Variants in SLCO1B1 observed in about 807,000 individuals in gnomAD.
SLCO1B1 encodes solute carrier organic anion transporter family member 1B1.
Under a neutral mutation model 70.1 loss-of-function variants are expected in SLCO1B1, and 81 were observed. The observed-to-expected ratio is 1.16, with a 90% CI of 0.97 to 1.39. The LOEUF is 1.39. Among genes scored for constraint, SLCO1B1 ranks in the 40% most tolerant of loss-of-function variants. SLCO1B1 has a pLI of 0.00. For missense variants in SLCO1B1, 895 were observed against 799.6 expected, an observed-to-expected ratio of 1.12 and a Z score of -1.44; for synonymous variants, 283 against 271.5, an observed-to-expected ratio of 1.04 and a Z score of -0.42.
intron 1 of SLCO1B1, among the ~76,000 whole-genome samples, chr12:21,137,679 G>A (rs376300718): frequency 2.9e-4 from 44 of 152,246 alleles, no homozygotes; most frequent in East Asian, 1.6e-3. Flanking sequence ...TTTTTAAGCC[G>A]GTTGGAAAAG....
In SLCO1B1 at chr12:21,178,069, G is replaced by A. The variant is rs570705460; in HGVS notation, c.482-507G>A. Among the ~76,000 whole-genome samples, 200 of 152,202 alleles carry A rather than the reference G, an allele frequency of 1.3e-3. 1 individual carries two copies. The highest frequency in any genetic ancestry group is 4.3e-3 in the African/African-American group (178 of 41,534). ...TTTACTTGTTTGTGCTTTTCTGTAT[G>A]ATATGGCTTGACTGTGTCCCCACTC... On this transcript the variant is annotated intron_variant, in intron 5 of 14. Coordinates refer to ENST00000256958, the MANE Select transcript of SLCO1B1 (RefSeq NM_006446.5).
chr12:21,205,709 C>T (rs1308484401), intron 10 of SLCO1B1, among the ~76,000 whole-genome samples, 159 bp from the exon 11 acceptor site: 4 of 151,346 alleles, frequency 2.6e-5, no homozygotes, highest in Non-Finnish European at 5.9e-5. Context: ...TTTGCCATTT[C>T]GTCATCATCA....
Position 21,196,981 on chromosome 12 carries a change from G to T in SLCO1B1, c.763G>T (p.Val255Phe), listed in dbSNP as rs766769140. 2 of 1,613,490 alleles carry T rather than the reference G, an allele frequency of 1.2e-6. No individual in the cohort carries two copies. Among genetic ancestry groups the T allele is most frequent in the Admixed American group, 3.3e-5 (2 of 59,984 alleles). Reference sequence around the variant, plus strand: ...GATAACTCCTACTGATTCTCGATGGGTTGGAGCTTGGTGGCTTAATTTCCT... The same window carrying T: ...GATAACTCCTACTGATTCTCGATGGTTTGGAGCTTGGTGGCTTAATTTCCT... ...IRITPTDSRWVGAWWLNFLVS... is the reference protein window; with the variant it reads ...IRITPTDSRWFGAWWLNFLVS... The change falls in exon 8 of 15, where the codon GTT becomes TTT. Residue 255 changes from valine (V) to phenylalanine (F), a missense_variant. Val to Phe is a conservative substitution (Grantham distance 50). Transcript: ENST00000256958.
chr12:21,191,373 C>A (rs111547085), intron 7 of SLCO1B1, among the ~76,000 whole-genome samples: 1,893 of 145,734 alleles, frequency 0.013, 32 homozygotes, highest in African/African-American at 0.043. Flanking sequence ...GTGTTTTATT[C>A]TTTATGATTT....
In SLCO1B1 at chr12:21,224,844, G is replaced by A. The variant is rs1941467027; in HGVS notation, c.1865+5G>A. On this transcript the variant is annotated splice_donor_5th_base_variant and intron_variant, in intron 14 of 14. Coordinates refer to ENST00000256958, the MANE Select transcript of SLCO1B1 (RefSeq NM_006446.5). Reference sequence around the variant, plus strand: ...ATATAATTCCACATCATTTTCGTAAGTTGTCATAAATATATTTCATTATTT... The same window carrying A: ...ATATAATTCCACATCATTTTCGTAAATTGTCATAAATATATTTCATTATTT... 2.7e-6 allele frequency: 4 copies of A among 1,490,394 alleles called. No homozygotes were observed. The highest frequency in any genetic ancestry group is 2.8e-6 in the Non-Finnish European group (3 of 1,072,906). 92.3% of individuals were successfully genotyped at this position (1,490,394 alleles called of 1,614,324 possible).
At chr12:21,154,146 A>C (rs549814378) in intron 2 of SLCO1B1, among the ~76,000 whole-genome samples, 3 of 152,104 alleles carry the variant, frequency 2.0e-5, no homozygotes. Context: ...GTATATGCCT[A>C]TCTCTCTCAT....
chr12:21,172,008 A>G (rs933714093), intron 2 of SLCO1B1, among the ~76,000 whole-genome samples: 11 of 152,182 alleles, frequency 7.2e-5, no homozygotes, highest in African/African-American at 2.7e-4. Context: ...AATTTGAGGT[A>G]GGGGATATAA....
chr12:21,209,762 G>A, intron 11 of SLCO1B1, among the ~76,000 whole-genome samples: 1 of 151,156 alleles, frequency 6.6e-6, no homozygotes, highest in East Asian at 2.0e-4. Flanking sequence ...TAACTGGTGT[G>A]AGATGGTATC....
In SLCO1B1 at chr12:21,202,655, T is replaced by C. The variant is rs1429583395; in HGVS notation, c.1300T>C (p.Ser434Pro). Residue 434 changes from serine to proline, a missense_variant, in exon 10 of 15, where the codon TCA becomes CCA. Physicochemically the swap from Ser to Pro is moderately conservative, Grantham distance 74. Coordinates refer to ENST00000256958, the MANE Select transcript of SLCO1B1 (RefSeq NM_006446.5). ...LYFFILCENK[S>P]VAGLTMTYDG... ...TTTTTTCATACTCTGTGAAAACAAA[T>C]CAGTTGCCGGACTAACCATGACCTA... 6.2e-7 allele frequency: 1 copy of C among 1,612,676 alleles called. No individual in the cohort carries two copies. The highest frequency in any genetic ancestry group is 8.5e-7 in the Non-Finnish European group (1 of 1,179,338).
intron 7 of SLCO1B1, among the ~76,000 whole-genome samples, chr12:21,187,082 T>C (rs1940970899): frequency 2.0e-5 from 3 of 152,116 alleles, no homozygotes; most frequent in Non-Finnish European, 2.9e-5. Context: ...TTAATGCAGA[T>C]GAAAGTGTCC....
At chr12:21,211,839 T>A (rs1941290530) in intron 11 of SLCO1B1, among the ~76,000 whole-genome samples, 1 of 152,070 alleles carries the variant, frequency 6.6e-6, no homozygotes, top group African/African-American at 2.4e-5. Context: ...ATTTTCTAGT[T>A]TATTTGCGTA....
At chr12:21,167,177 T>A (rs982384178) in intron 2 of SLCO1B1, among the ~76,000 whole-genome samples, 3 of 152,162 alleles carry the variant, frequency 2.0e-5, no homozygotes, top group African/African-American at 4.8e-5. Flanking sequence ...ATCTTTATAG[T>A]TTTTTATAAT....
Position 21,174,806 on chromosome 12 carries a change from C to A in SLCO1B1, c.359+97C>A, listed in dbSNP as rs4149036. ...ATTATCCCTTTAAATAGGCAGTTAC[C>A]TTTTGAGAAGATACCCACTAAGTGT... is the stretch of plus-strand genomic sequence containing the variant. On this transcript the variant is annotated intron_variant, in intron 4 of 14. Coordinates refer to ENST00000256958, the MANE Select transcript of SLCO1B1 (RefSeq NM_006446.5). 0.23 allele frequency: 286,746 copies of A among 1,243,286 alleles called. 38,661 individuals carry two copies. The highest frequency in any genetic ancestry group is 0.52 in the African/African-American group (34,282 of 66,338). The allele number at this position is 1,243,286 out of a possible 1,614,324, so 77.0% of individuals were successfully genotyped here.
chr12:21,187,122 C>T (rs865958302), intron 7 of SLCO1B1, among the ~76,000 whole-genome samples: 5 of 151,908 alleles, frequency 3.3e-5, no homozygotes, highest in Admixed American at 1.3e-4. Flanking sequence ...CCACGAAGGA[C>T]GTTTATTAAT....
chr12:21,200,966 C>G (rs1038782236), intron 9 of SLCO1B1, among the ~76,000 whole-genome samples: 1 of 151,990 alleles, frequency 6.6e-6, no homozygotes, highest in African/African-American at 2.4e-5. Context: ...GTGCTAAGAT[C>G]TGAGACAAAC....
At chr12:21,144,204 A>G (rs949968416) in intron 2 of SLCO1B1, among the ~76,000 whole-genome samples, 2 of 152,180 alleles carry the variant, frequency 1.3e-5, no homozygotes, top group African/African-American at 4.8e-5. Context: ...TAAAGATGAC[A>G]TAGTCATTTT....
chr12:21,233,687 C>G (rs1369897587), intron 14 of SLCO1B1, among the ~76,000 whole-genome samples: 3 of 152,116 alleles, frequency 2.0e-5, no homozygotes, highest in Non-Finnish European at 4.4e-5. Flanking sequence ...TTGGCAGTGC[C>G]TAGAATACTC....
At chr12:21,137,334 G>A (rs1380313406) in intron 1 of SLCO1B1, among the ~76,000 whole-genome samples, 3 of 152,150 alleles carry the variant, frequency 2.0e-5, no homozygotes, top group African/African-American at 2.4e-5. Context: ...TGCGTGCTGG[G>A]AGAACCACTG....
At chr12:21,159,142 A>G (rs1424137644) in intron 2 of SLCO1B1, among the ~76,000 whole-genome samples, 1 of 152,190 alleles carries the variant, frequency 6.6e-6, no homozygotes, top group Non-Finnish European at 1.5e-5. Flanking sequence ...AATTAATTCT[A>G]TAAAGTGTTA....
Sources: allele counts gnomAD v4.1 joint callset (sites outside exome capture counted in the v4.1 genomes callset), GRCh38; gene constraint gnomAD v4.1.1; transcripts MANE v1.5; gene names NCBI Gene and HGNC (gene_info 2026-07-23, HGNC 2026-07-21).